The following NHSL1 variants were observed in gnomAD, a reference collection of about 807,000 sequenced individuals.
The protein encoded by NHSL1 is NHS-like protein 1.
A neutral mutation model predicts 95.0 loss-of-function variants in NHSL1; 48 were observed. That is an observed-to-expected ratio of 0.51 (90% CI 0.40 to 0.64). The LOEUF is 0.64. NHSL1 is among the 30% of genes least tolerant of loss of function. The probability of loss-of-function intolerance (pLI) is 0.00; values close to 1 mark genes in which losing one functional copy is unlikely to be tolerated. For synonymous variants in NHSL1, 783 were observed against 833.9 expected, an observed-to-expected ratio of 0.94 and a Z score of 1.05; for missense variants, 1,971 against 2,077.7, an observed-to-expected ratio of 0.95 and a Z score of 1.00.
At chr6:138,662,295 C>T (rs1785237626) in intron 1 of NHSL1, among the ~76,000 whole-genome samples, 1 of 152,126 alleles carries the variant, frequency 6.6e-6, no homozygotes, top group Non-Finnish European at 1.5e-5. Context: ...AATAACATTA[C>T]AAGTGTAGTT....
Position 138,641,622 on chromosome 6 carries a change from CAAAAAAA to C in NHSL1, c.96+50847_96+50853del, listed in dbSNP as rs771307557. Among the ~76,000 whole-genome samples the C allele has an allele frequency of 6.5e-5, 5 of 76,438 alleles. No homozygotes were observed. In the South Asian group the frequency reaches 1.4e-3, roughly 21 times the overall value. The allele number at this position is 76,438 out of a possible 152,430, so 50.1% of individuals were successfully genotyped here. ...TGGGTGACAGAGTGAGACTCCGTCT[CAAAAAAA>C]AAAAAAAAAAAAAAAAATCATGGCA... On this transcript the variant is annotated intron_variant, in intron 1 of 3. Transcript: ENST00000491526.
At chr6:138,687,443 C>T (rs1450505671) in intron 1 of NHSL1, among the ~76,000 whole-genome samples, 2 of 152,146 alleles carry the variant, frequency 1.3e-5, no homozygotes, top group African/African-American at 2.4e-5. Flanking sequence ...TATGAGAATG[C>T]ATCTCAACAC....
At chr6:138,491,708 T>C (rs1031308502) in intron 2 of NHSL1, among the ~76,000 whole-genome samples, 1 of 152,212 alleles carries the variant, frequency 6.6e-6, no homozygotes, top group Non-Finnish European at 1.5e-5. Context: ...TTGAAGCAAA[T>C]ATTAAAATGC....
At chr6:138,620,715 T>C (rs984541984) in intron 1 of NHSL1, among the ~76,000 whole-genome samples, 1 of 152,172 alleles carries the variant, frequency 6.6e-6, no homozygotes, top group African/African-American at 2.4e-5. Flanking sequence ...GAGAGAATTC[T>C]AGAACTTAAA....
At chr6:138,635,296 T>C (rs1026935075) in intron 1 of NHSL1, among the ~76,000 whole-genome samples, 4 of 151,976 alleles carry the variant, frequency 2.6e-5, no homozygotes, top group African/African-American at 9.7e-5. Flanking sequence ...TTGGCAAACC[T>C]TTAGCCAGAC....
chr6:138,675,188 T>A lies in NHSL1; in HGVS notation c.96+17288A>T, dbSNP rs1257136127. Among the ~76,000 whole-genome samples, 4 of 152,264 alleles carry A rather than the reference T, an allele frequency of 2.6e-5. No homozygotes were observed. The East Asian group carries it at 7.7e-4, about 29-fold the overall frequency. On this transcript the variant is annotated intron_variant, in intron 1 of 3. Transcript: ENST00000491526. ...ATCTGCAGGCTGCTGGTGGCTCCCC[T>A]TCCCTCTTCTGGCTTGGTGCTCTCA...
chr6:138,686,627 T>C (rs1785588259), intron 1 of NHSL1, among the ~76,000 whole-genome samples: 1 of 152,156 alleles, frequency 6.6e-6, no homozygotes. Flanking sequence ...CCAGTAGAGA[T>C]TATTTTTGTC....
intron 1 of NHSL1, among the ~76,000 whole-genome samples, chr6:138,628,882 T>C (rs1002329246): frequency 3.3e-5 from 5 of 152,260 alleles, no homozygotes; most frequent in African/African-American, 1.2e-4. Context: ...ATTTGGTCCC[T>C]TGCACATAAC....
At chr6:138,496,038 T>C (rs1422346343) in intron 2 of NHSL1, among the ~76,000 whole-genome samples, 181 bp downstream of exon 2, 1 of 152,166 alleles carries the variant, frequency 6.6e-6, no homozygotes, top group African/African-American at 2.4e-5. Flanking sequence ...AAGATGAGAT[T>C]TGGGTGGGGA....
intron 3 of NHSL1, among the ~76,000 whole-genome samples, chr6:138,450,188 ATG>A (rs1427962741): frequency 6.7e-6 from 1 of 148,948 alleles, no homozygotes; most frequent in Non-Finnish European, 1.5e-5. Context: ...TACCCTTGAG[ATG>A]TGCACACACA....
intron 2 of NHSL1, among the ~76,000 whole-genome samples, chr6:138,477,937 C>T (rs773159864): frequency 6.7e-6 from 1 of 149,304 alleles, no homozygotes; most frequent in Non-Finnish European, 1.5e-5. Flanking sequence ...ACTATTAGTA[C>T]TTCCAGTGTG....
intron 1 of NHSL1, 63 bp from the exon 2 acceptor site, chr6:138,496,434 C>T (rs1283191104): frequency 6.7e-7 from 1 of 1,498,978 alleles, no homozygotes; most frequent in Admixed American, 2.0e-5. Flanking sequence ...TTCATTACAT[C>T]ATGATGTGTT....
At chr6:138,527,128 C>G (rs1229298318) in intron 1 of NHSL1, among the ~76,000 whole-genome samples, 1 of 152,196 alleles carries the variant, frequency 6.6e-6, no homozygotes, top group African/African-American at 2.4e-5. Flanking sequence ...AGCCGTCGCT[C>G]TTCAGTCTCC....
chr6:138,467,494 A>G (rs1045730255), intron 3 of NHSL1, among the ~76,000 whole-genome samples: 4 of 152,206 alleles, frequency 2.6e-5, no homozygotes, highest in Admixed American at 2.6e-4. Flanking sequence ...CTTATGAAAA[A>G]AACTTAACTG....
intron 3 of NHSL1, among the ~76,000 whole-genome samples, chr6:138,457,613 T>A (rs528114335): frequency 6.6e-6 from 1 of 152,332 alleles, no homozygotes; most frequent in South Asian, 2.1e-4. Flanking sequence ...AATAATTTGT[T>A]AACTCATGCA....
Position 138,618,780 on chromosome 6 carries a change from T to C in NHSL1, c.96+73696A>G, listed in dbSNP as rs190383335. Among the ~76,000 whole-genome samples the C allele has an allele frequency of 1.9e-4, 29 of 152,328 alleles. No individual in the cohort carries two copies. The East Asian group carries it at 4.8e-3, about 25-fold the overall frequency. On this transcript the variant is annotated intron_variant, in intron 1 of 3. Transcript: ENST00000491526. ...GACTTGTACCGAGTGATCTGCCTAC[T>C]GGAGGCAGCACTTCAACACATCCAG... is the stretch of plus-strand genomic sequence containing the variant.
intron 1 of NHSL1, among the ~76,000 whole-genome samples, chr6:138,531,996 T>C (rs1261171169): frequency 6.6e-6 from 1 of 152,150 alleles, no homozygotes; most frequent in African/African-American, 2.4e-5. Context: ...AACAGACAGA[T>C]GTATGACACT....
upstream of NHSL1, among the ~76,000 whole-genome samples, chr6:138,547,549 GT>G (rs879261456): frequency 2.0e-5 from 3 of 151,934 alleles, no homozygotes; most frequent in Non-Finnish European, 2.9e-5. Context: ...CCCGGCTAAT[GT>G]TTTTTTGTAT....
chr6:138,427,041 T>G (rs1775310567), intron 7 of NHSL1, among the ~76,000 whole-genome samples: 1 of 152,232 alleles, frequency 6.6e-6, no homozygotes, highest in Admixed American at 6.5e-5. Flanking sequence ...TTATAGCACA[T>G]GGCCTCACCA....
Sources: gnomAD v4.1 joint callset for allele counts (sites outside exome capture counted in the v4.1 genomes callset) on GRCh38, gnomAD v4.1.1 for gene constraint, MANE v1.5 for transcripts, NCBI Gene and HGNC (gene_info 2026-07-23, HGNC 2026-07-21) for gene names.